CCDC88C: variants seen among roughly 807,000 people sequenced by gnomAD.
CCDC88C encodes the protein protein Daple.
In CCDC88C, 131 loss-of-function variants were observed where a neutral mutation model predicts 198.8. The ratio of observed to expected loss-of-function variants is 0.66; its 90% confidence interval spans 0.57 to 0.76. CCDC88C has a LOEUF of 0.76. Ranked by LOEUF, CCDC88C falls within the 30% of genes least tolerant of loss-of-function variation. The pLI is 0.00. For synonymous variants in CCDC88C, 1,166 were observed against 1,114.7 expected, an observed-to-expected ratio of 1.05 and a Z score of -0.92; for missense variants, 2,553 against 2,631.6, an observed-to-expected ratio of 0.97 and a Z score of 0.65.
At chr14:91,279,384 T>C (rs1890107120) in intron 27 of CCDC88C, 78 bp from the exon 28 acceptor site, 1 of 1,246,746 alleles carries the variant, frequency 8.0e-7, no homozygotes, top group African/African-American at 1.5e-5. Flanking sequence ...AGAAAAACGA[T>C]GCAGCAAAAC....
intron 29 of CCDC88C, among the ~76,000 whole-genome samples, chr14:91,276,246 C>T (rs1381295561): frequency 6.6e-6 from 1 of 152,254 alleles, no homozygotes; most frequent in Non-Finnish European, 1.5e-5. Context: ...GGGATGGGTT[C>T]TGTGGTCTGG....
chr14:91,299,389 AG>A (rs1219197458), intron 21 of CCDC88C, among the ~76,000 whole-genome samples: 2 of 152,240 alleles, frequency 1.3e-5, no homozygotes, highest in Non-Finnish European at 2.9e-5. Context: ...AGATTCTGAA[AG>A]GGACATTTGT....
Position 91,297,619 on chromosome 14 carries a change from T to C in CCDC88C, c.3780-128A>G, listed in dbSNP as rs950942817. 10 of 831,578 alleles carry C rather than the reference T, an allele frequency of 1.2e-5. No individual in the cohort carries two copies. In the African/African-American group the frequency reaches 1.4e-4, roughly 12 times the overall value. 51.5% of individuals were successfully genotyped at this position (831,578 alleles called of 1,614,324 possible). On this transcript the variant is annotated intron_variant, in intron 21 of 29. Coordinates refer to ENST00000389857, the MANE Select transcript of CCDC88C (RefSeq NM_001080414.4). Reference sequence around the variant, plus strand: ...TGCAACCTTAGACAAAATCACAACCTCTCTGGGCTTTTTTTTTTTTCCATG... The same window carrying C: ...TGCAACCTTAGACAAAATCACAACCCCTCTGGGCTTTTTTTTTTTTCCATG...
intron 3 of CCDC88C, among the ~76,000 whole-genome samples, chr14:91,395,653 C>G (rs1029937581): frequency 6.6e-6 from 1 of 152,130 alleles, no homozygotes; most frequent in East Asian, 1.9e-4. Context: ...ATCCCCCAGC[C>G]GAGAAGGCAA....
At chr14:91,275,554 T>G (rs1889921134) in intron 29 of CCDC88C, among the ~76,000 whole-genome samples, 2 of 151,882 alleles carry the variant, frequency 1.3e-5, no homozygotes, top group Non-Finnish European at 2.9e-5. Flanking sequence ...CTCGGTTCAC[T>G]GCAACCTGAG....
chr14:91,339,583 G>T lies in CCDC88C; in HGVS notation c.625-121C>A. ...GATATTTCAGCGGAGACTAAGAAACGAGGAGGAAGGTGGGAAAAGGCTGGC... is the reference window on the plus strand; with the variant it reads ...GATATTTCAGCGGAGACTAAGAAACTAGGAGGAAGGTGGGAAAAGGCTGGC... On this transcript the variant is annotated intron_variant, in intron 7 of 29. Coordinates refer to ENST00000389857, the MANE Select transcript of CCDC88C (RefSeq NM_001080414.4). This position sits in a 1 kb window ranked among gnomAD's most constrained non-coding sequence, Gnocchi z 5.8. The T allele has an allele frequency of 9.9e-7, 1 of 1,008,010 alleles. No homozygotes were observed. Among genetic ancestry groups the T allele is most frequent in the Non-Finnish European group, 1.4e-6 (1 of 697,396 alleles). 62.4% of individuals were successfully genotyped at this position (1,008,010 alleles called of 1,614,324 possible).
Position 91,359,727 on chromosome 14 carries a change from G to C in CCDC88C, c.271-16C>G. 6.2e-7 allele frequency: 1 copy of C among 1,602,884 alleles called. No homozygotes were observed. Among genetic ancestry groups the C allele is most frequent in the Non-Finnish European group, 8.5e-7 (1 of 1,173,174 alleles). ...GGAGAACTTCCTGCAGAAACAAAGG[G>C]GGAAAAGATACCATTAAGAACCGGA... is the stretch of plus-strand genomic sequence containing the variant. On this transcript the variant is annotated splice_polypyrimidine_tract_variant and intron_variant, in intron 3 of 29. Coordinates refer to ENST00000389857, the MANE Select transcript of CCDC88C (RefSeq NM_001080414.4).
chr14:91,320,472 C>T (rs1258088938), intron 13 of CCDC88C, among the ~76,000 whole-genome samples: 3 of 152,170 alleles, frequency 2.0e-5, no homozygotes, highest in African/African-American at 4.8e-5. Flanking sequence ...TCTGCCTGTG[C>T]GTTGTATACT....
chr14:91,349,097 G>A (rs755291437), intron 4 of CCDC88C, among the ~76,000 whole-genome samples: 1 of 152,136 alleles, frequency 6.6e-6, no homozygotes, highest in South Asian at 2.1e-4. Flanking sequence ...ATTCCCTCCT[G>A]GGTCCTTGCC....
chr14:91,381,518 T>G lies in CCDC88C; in HGVS notation c.271-21807A>C, dbSNP rs1389888256. Among the ~76,000 whole-genome samples the G allele has an allele frequency of 6.6e-6, 1 of 152,210 alleles. No homozygotes were observed. Among genetic ancestry groups the G allele is most frequent in the Non-Finnish European group, 1.5e-5 (1 of 68,036 alleles). ...GCCCCAGGTGGCCCCTGCAGGGGAC[T>G]GCAGACTGTCTTCCATTCAAGCCGG... On this transcript the variant is annotated intron_variant, in intron 3 of 29. Transcript: ENST00000389857. This position sits in a 1 kb window ranked among gnomAD's most constrained non-coding sequence, Gnocchi z 4.2.
At chr14:91,369,920 G>A (rs1444295214) in intron 3 of CCDC88C, among the ~76,000 whole-genome samples, 1 of 152,180 alleles carries the variant, frequency 6.6e-6, no homozygotes, top group African/African-American at 2.4e-5. Context: ...CGGCCCGGCC[G>A]AGGCTACCAC....
chr14:91,276,279 C>T (rs113660859), intron 29 of CCDC88C, among the ~76,000 whole-genome samples: 3,867 of 152,334 alleles, frequency 0.025, 68 homozygotes, highest in Middle Eastern at 0.054. Flanking sequence ...ACGATTCAAA[C>T]GCACGCCTGA....
In CCDC88C at chr14:91,307,061, G is replaced by A. The variant is rs750503321; in HGVS notation, c.3172C>T (p.Arg1058Trp). ...ACATTCCGCTCCAGCTCGATGGCCC[G>A]GTCCTTCACTCGGAGAAGCTCCATG... Reference protein sequence around the residue: ...ATMELLRVKDRAIELERNNAA... With the variant: ...ATMELLRVKDWAIELERNNAA... Residue 1058 changes from arginine (R) to tryptophan (W), a missense_variant, in exon 18 of 30, where the codon CGG becomes TGG. Around this residue, in one of 2 missense-constraint regions of CCDC88C, gnomAD observed 1,260 missense variants for 1,412.0 expected, o/e 0.89. Transcript: ENST00000389857. 1.2e-6 allele frequency: 2 copies of A among 1,613,160 alleles called. No homozygotes were observed. Among genetic ancestry groups the A allele is most frequent in the Admixed American group, 1.7e-5 (1 of 59,902 alleles).
chr14:91,338,101 C>T lies in CCDC88C; in HGVS notation c.954G>A (p.Leu318=). 1 of 1,613,970 alleles carries T rather than the reference C, an allele frequency of 6.2e-7. No individual in the cohort carries two copies. Residue 318 remains leucine (L), a synonymous_variant, in exon 10 of 30, where the codon CTG becomes CTA. Coordinates refer to ENST00000389857, the MANE Select transcript of CCDC88C (RefSeq NM_001080414.4). This position sits in a 1 kb window ranked among gnomAD's most constrained non-coding sequence, Gnocchi z 4.8. ...ARAYRDELDS[L]REKANRVERL... is the part of the protein sequence containing the mutation. ...TCTCCACGCGGTTCGCCTTCTCCCG[C>T]AGGGAATCCAGCTCGTCTCGATAGG...
chr14:91,358,496 T>A (rs1416247926), intron 4 of CCDC88C, among the ~76,000 whole-genome samples: 1 of 152,180 alleles, frequency 6.6e-6, no homozygotes, highest in East Asian at 1.9e-4. Context: ...AGTAACTCTG[T>A]CCCTGGGGCC....
chr14:91,293,557 C>CA (rs1890848564), intron 23 of CCDC88C, among the ~76,000 whole-genome samples: 1 of 141,558 alleles, frequency 7.1e-6, no homozygotes, highest in Admixed American at 7.0e-5. Context: ...CCTGTCCCCT[C>CA]GCCTGCCACG....
intron 3 of CCDC88C, among the ~76,000 whole-genome samples, chr14:91,389,667 C>T (rs1885363951): frequency 6.6e-6 from 1 of 150,496 alleles, no homozygotes; most frequent in Non-Finnish European, 1.5e-5. Flanking sequence ...ATCACTTGAA[C>T]CCAGGAGTTC....
rs772688535 is a variant in CCDC88C at position 91,305,810 on chromosome 14, C to A, written c.3312G>T (p.Leu1104=). The part of the protein sequence containing the change: ...ILTLQKQSAF[L]QEHNTTLQTQ... The stretch of plus-strand genomic sequence containing the variant: ...TCTGCAGTGTGGTGTTGTGCTCCTG[C>A]AGGAAGGCGCTCTGTTTCTGCAGTG... Residue 1104 remains leucine, a synonymous_variant, in exon 19 of 30, where the codon CTG becomes CTT. Transcript: ENST00000389857. 1 of 1,613,784 alleles carries A rather than the reference C, an allele frequency of 6.2e-7. No homozygotes were observed. Among genetic ancestry groups the A allele is most frequent in the Non-Finnish European group, 8.5e-7 (1 of 1,179,718 alleles).
chr14:91,300,945 C>G (rs953011014), intron 20 of CCDC88C, among the ~76,000 whole-genome samples: 2 of 152,194 alleles, frequency 1.3e-5, no homozygotes, highest in Non-Finnish European at 2.9e-5. Flanking sequence ...AGACCCCTTC[C>G]TGAGTGTCTC....
Sources: allele counts gnomAD v4.1 joint callset (sites outside exome capture counted in the v4.1 genomes callset), GRCh38; gene constraint gnomAD v4.1.1; regional missense constraint gnomAD v4.1.1; non-coding constraint Gnocchi (gnomAD v3.1); transcripts MANE v1.5; gene names NCBI Gene and HGNC (gene_info 2026-07-23, HGNC 2026-07-21).